The following BICC1 variants were observed in gnomAD, a reference collection of about 807,000 sequenced individuals.
The protein encoded by BICC1 is BicC family RNA binding protein 1, also known as protein bicaudal C homolog 1.
BICC1 carries 43 observed loss-of-function variants against 111.0 expected under a neutral mutation model. The observed-to-expected ratio is 0.39, with a 90% CI of 0.30 to 0.50. BICC1 has a LOEUF of 0.50. Among genes scored for constraint, BICC1 ranks in the 20% least tolerant of loss-of-function variants. The probability of loss-of-function intolerance (pLI) is 0.88; values close to 1 mark genes in which losing one functional copy is unlikely to be tolerated. For missense variants in BICC1, 1,091 were observed against 1,203.2 expected (o/e 0.91, Z 1.38); for synonymous variants, 467 against 434.4 (o/e 1.07, Z -0.93).
At chr10:58,512,458 C>T (rs1180116892), upstream of BICC1, among the ~76,000 whole-genome samples, 3 of 152,084 alleles carry the variant, frequency 2.0e-5, no homozygotes, top group African/African-American at 7.2e-5. Context: ...GCTTAGTGTG[C>T]GTTCAGGACT....
chr10:58,589,061 C>T (rs1844518580), intron 1 of BICC1, among the ~76,000 whole-genome samples: 1 of 152,168 alleles, frequency 6.6e-6, no homozygotes, highest in African/African-American at 2.4e-5. Flanking sequence ...ACAGTGGATG[C>T]TGCCCTCTAC....
intron 1 of BICC1, among the ~76,000 whole-genome samples, chr10:58,591,611 T>A (rs1298847893): frequency 1.3e-5 from 2 of 152,230 alleles, no homozygotes; most frequent in Admixed American, 1.3e-4. Context: ...AGTTAGGTTT[T>A]CAACATATGA....
At chr10:58,824,539 G>T (rs1844341036) in intron 20 of BICC1, among the ~76,000 whole-genome samples, 1 of 152,122 alleles carries the variant, frequency 6.6e-6, no homozygotes, top group Non-Finnish European at 1.5e-5. Flanking sequence ...TTGGCCATAG[G>T]AGTGTGTCTG....
In BICC1 at chr10:58,781,725, GAAT is replaced by G. The variant is rs1215490140; in HGVS notation, c.308-3275_308-3273del. Among the ~76,000 whole-genome samples the G allele has an allele frequency of 2.0e-5, 3 of 152,046 alleles. No homozygotes were observed. The East Asian group carries it at 5.8e-4, about 29-fold the overall frequency. ...CTTTTGGTATTACACAGACATGTTT[GAAT>G]TGTAAACTGTTAACAGTCATTGAAA... On this transcript the variant is annotated intron_variant, in intron 3 of 20. Transcript: ENST00000373886.
chr10:58,527,079 C>T (rs989560506), intron 1 of BICC1, among the ~76,000 whole-genome samples: 14 of 152,202 alleles, frequency 9.2e-5, no homozygotes, highest in Middle Eastern at 3.4e-3. Flanking sequence ...CCACATCCTC[C>T]CCAGCACCTG....
At chr10:58,749,514 A>T (rs1317500747) in intron 3 of BICC1, among the ~76,000 whole-genome samples, 1 of 152,118 alleles carries the variant, frequency 6.6e-6, no homozygotes, top group Non-Finnish European at 1.5e-5. Context: ...AGTTATCCAC[A>T]TTTTCTGTTA....
rs533917983 is a variant in BICC1 at position 58,791,881 on chromosome 10, T to C, written c.1048-1603T>C. ...TTCTCAGCTCACTGCAATCTCTGCCTCCTGGGTTGAAGTGATTCTCATGCC... is the reference window on the plus strand; with the variant it reads ...TTCTCAGCTCACTGCAATCTCTGCCCCCTGGGTTGAAGTGATTCTCATGCC... On this transcript the variant is annotated intron_variant, in intron 8 of 20. Transcript: ENST00000373886. 2.0e-5 allele frequency among the ~76,000 whole-genome samples: 3 copies of C among 152,282 alleles called. No homozygotes were observed. The East Asian group carries it at 5.8e-4, about 29-fold the overall frequency.
chr10:58,514,590 G>A (rs962619545), intron 1 of BICC1, among the ~76,000 whole-genome samples: 2 of 152,172 alleles, frequency 1.3e-5, no homozygotes, highest in Admixed American at 6.5e-5. Flanking sequence ...TTTTTTGGAT[G>A]TGCTACAGGC....
intron 3 of BICC1, among the ~76,000 whole-genome samples, chr10:58,704,316 C>G (rs1447095823): frequency 6.6e-6 from 1 of 152,062 alleles, no homozygotes; most frequent in African/African-American, 2.4e-5. Flanking sequence ...GCAGAATGCA[C>G]TTAAAGAGAA....
At chr10:58,771,807 T>G (rs540751677) in intron 3 of BICC1, among the ~76,000 whole-genome samples, 28 of 152,326 alleles carry the variant, frequency 1.8e-4, no homozygotes, top group Admixed American at 3.9e-4. Context: ...AGCAGACAGT[T>G]TGCAATCTTA....
chr10:58,584,740 A>G (rs1325084543), intron 1 of BICC1, among the ~76,000 whole-genome samples: 3 of 151,472 alleles, frequency 2.0e-5, no homozygotes, highest in African/African-American at 7.3e-5. Context: ...TGAAACTAGG[A>G]AACACCTGGG....
chr10:58,580,049 A>G (rs1844235812), intron 1 of BICC1, among the ~76,000 whole-genome samples: 1 of 148,670 alleles, frequency 6.7e-6, no homozygotes, highest in Non-Finnish European at 1.5e-5. Flanking sequence ...TTTTCCAGAC[A>G]GAATCTTGCC....
intron 3 of BICC1, among the ~76,000 whole-genome samples, chr10:58,710,743 G>A (rs1043909513): frequency 3.9e-5 from 6 of 152,284 alleles, no homozygotes; most frequent in Admixed American, 6.5e-5. Context: ...ATATGTGTGT[G>A]TGTGGTTTTT....
In BICC1 at chr10:58,829,312, T is replaced by A. The variant is rs1352584011; in HGVS notation, c.*421T>A. The A allele has an allele frequency of 6.6e-6, 1 of 152,062 alleles. No individual in the cohort carries two copies. Among genetic ancestry groups the A allele is most frequent in the Non-Finnish European group, 1.5e-5 (1 of 68,218 alleles). 9.4% of individuals were successfully genotyped at this position (152,062 alleles called of 1,614,324 possible). ...TGTTTTGTTTGGGTATTTGGGGATT[T>A]TTAAAAAATAATCAAAGTGGAATTT... On this transcript the variant is annotated 3_prime_UTR_variant, in exon 21 of 21. Transcript: ENST00000373886.
chr10:58,801,046 A>C lies in BICC1; in HGVS notation c.2015A>C (p.His672Pro), dbSNP rs963416109. ...CAAGGCACGAAAAACTCACACTTAC[A>C]GTATGTATTTTAATCTTTAAAGAGC... The part of the protein sequence containing the change: ...LLQGTKNSHL[H>P]STDRLLSDPE... The change falls in exon 14 of 21, where the codon CAC (histidine) becomes CCC (proline). Residue 672 changes from histidine (H) to proline (P), a missense_variant and splice_region_variant. By Grantham distance (77) the His-to-Pro change is moderately conservative (BLOSUM62 -2). Around this residue, in one of 3 missense-constraint regions of BICC1, gnomAD observed 843 missense variants for 900.8 expected, o/e 0.94. Coordinates refer to ENST00000373886, the MANE Select transcript of BICC1 (RefSeq NM_001080512.3). The C allele has an allele frequency of 6.3e-7, 1 of 1,595,790 alleles. No individual in the cohort carries two copies. The highest frequency in any genetic ancestry group is 1.4e-5 in the African/African-American group (1 of 73,790).
intron 3 of BICC1, among the ~76,000 whole-genome samples, chr10:58,740,674 T>G (rs1340443179): frequency 6.6e-6 from 1 of 152,234 alleles, no homozygotes; most frequent in Non-Finnish European, 1.5e-5. Context: ...TCCCAAGTTT[T>G]AACAGCTCCT....
chr10:58,653,315 A>G (rs896147082), intron 2 of BICC1, among the ~76,000 whole-genome samples: 4 of 152,108 alleles, frequency 2.6e-5, no homozygotes, highest in Non-Finnish European at 5.9e-5. Flanking sequence ...GCTGTCTCCA[A>G]AATTCCAGAG....
At chr10:58,676,032 G>A (rs1839329001) in intron 2 of BICC1, among the ~76,000 whole-genome samples, 1 of 152,160 alleles carries the variant, frequency 6.6e-6, no homozygotes, top group South Asian at 2.1e-4. Context: ...AGTGCAAGGG[G>A]TTGGGGAACT....
At position 58,677,397 on chromosome 10, in the gene BICC1, G is replaced by A. The variant is rs144867040; in HGVS notation, c.238-24677G>A. Among the ~76,000 whole-genome samples the A allele has an allele frequency of 9.5e-3, 1,444 of 152,250 alleles. 25 individuals carry two copies. The highest frequency in any genetic ancestry group is 0.032 in the African/African-American group (1,341 of 41,530). ...CTGAAGAACACAGCACAAGAACTTC[G>A]CGAAGCATATACAAGTATCAAGAAC... On this transcript the variant is annotated intron_variant, in intron 2 of 20. Coordinates refer to ENST00000373886, the MANE Select transcript of BICC1 (RefSeq NM_001080512.3).
Sources: allele counts gnomAD v4.1 joint callset (sites outside exome capture counted in the v4.1 genomes callset), GRCh38; gene constraint gnomAD v4.1.1; regional missense constraint gnomAD v4.1.1; transcripts MANE v1.5; gene names NCBI Gene and HGNC (gene_info 2026-07-23, HGNC 2026-07-21).